Variants in ANKFY1 observed in about 807,000 individuals in gnomAD.
The protein encoded by ANKFY1 is ankyrin repeat and FYVE domain containing 1.
In ANKFY1, 47 loss-of-function variants were observed where a neutral mutation model predicts 128.3. The observed-to-expected ratio is 0.37, with a 90% CI of 0.29 to 0.47. ANKFY1 has a LOEUF of 0.47. Among genes scored for constraint, ANKFY1 ranks in the 20% least tolerant of loss-of-function variants. The probability of loss-of-function intolerance (pLI) is 1.00; values close to 1 mark genes in which losing one functional copy is unlikely to be tolerated. For synonymous variants in ANKFY1, 553 were observed against 601.6 expected (o/e 0.92, Z 1.18); for missense variants, 1,222 against 1,510.6 (o/e 0.81, Z 3.17).
At chr17:4,207,290 G>A (rs932406798) in intron 6 of ANKFY1, among the ~76,000 whole-genome samples, 1 of 152,198 alleles carries the variant, frequency 6.6e-6, no homozygotes, top group African/African-American at 2.4e-5. Flanking sequence ...TCAGAGAGAT[G>A]TGACATGAGA....
chr17:4,183,866 A>C lies in ANKFY1; in HGVS notation c.1744T>G (p.Phe582Val), dbSNP rs748722829. 1 of 1,614,116 alleles carries C rather than the reference A, an allele frequency of 6.2e-7. No individual in the cohort carries two copies. The highest frequency in any genetic ancestry group is 1.1e-5 in the South Asian group (1 of 91,084). Residue 582 changes from phenylalanine (F) to valine (V), a missense_variant, in exon 13 of 25, where the codon TTC becomes GTC. Physicochemically the swap from Phe to Val is conservative, Grantham distance 50 (BLOSUM62 -1). Coordinates refer to ENST00000341657, the MANE Select transcript of ANKFY1 (RefSeq NM_001330063.2). ...ATNNLQIIPDFSLKDSRDQTV... is the reference protein window; with the variant it reads ...ATNNLQIIPDVSLKDSRDQTV... Reference sequence around the variant, plus strand: ...TGGTCTCGGGAATCTTTGAGGCTGAAGTCCGGAATGATCTGCAAGTTGTTG... The same window carrying C: ...TGGTCTCGGGAATCTTTGAGGCTGACGTCCGGAATGATCTGCAAGTTGTTG...
intron 7 of ANKFY1, among the ~76,000 whole-genome samples, chr17:4,198,004 C>T (rs2059858155): frequency 6.6e-6 from 1 of 152,074 alleles, no homozygotes; most frequent in South Asian, 2.1e-4. Flanking sequence ...TGGTGCACGC[C>T]TGTAATCCCA....
At chr17:4,176,690 A>C (rs1371237139) in intron 19 of ANKFY1, among the ~76,000 whole-genome samples, 1 of 152,246 alleles carries the variant, frequency 6.6e-6, no homozygotes, top group Non-Finnish European at 1.5e-5. Context: ...AAAATCCAGC[A>C]CTACTTGCTT....
At chr17:4,247,074 C>T (rs565326038) in intron 1 of ANKFY1, among the ~76,000 whole-genome samples, 1 of 151,106 alleles carries the variant, frequency 6.6e-6, no homozygotes, top group African/African-American at 2.4e-5. Flanking sequence ...TGAGATCGCA[C>T]CACTGACTCC....
At chr17:4,229,423 CAA>C (rs113840684) in intron 3 of ANKFY1, among the ~76,000 whole-genome samples, 2 of 110,520 alleles carry the variant, frequency 1.8e-5, no homozygotes, top group Non-Finnish European at 1.9e-5. Flanking sequence ...GGCTCTGTCT[CAA>C]AAAAAAAAAA....
At chr17:4,216,828 G>T in intron 4 of ANKFY1, 155 bp downstream of exon 4, 3 of 1,026,654 alleles carry the variant, frequency 2.9e-6, no homozygotes, top group Non-Finnish European at 4.4e-6. Context: ...ATAACACAAA[G>T]CAAGGGAGGT....
At chr17:4,239,791 G>A (rs1364100508) in intron 2 of ANKFY1, among the ~76,000 whole-genome samples, 5 of 151,840 alleles carry the variant, frequency 3.3e-5, no homozygotes, top group Non-Finnish European at 5.9e-5. Flanking sequence ...CACCTGCCTC[G>A]GCCTCCCAAA....
At chr17:4,232,526 C>T (rs1336162444) in intron 3 of ANKFY1, among the ~76,000 whole-genome samples, 2 of 152,222 alleles carry the variant, frequency 1.3e-5, no homozygotes, top group Non-Finnish European at 2.9e-5. Context: ...GGTGCTTGAT[C>T]TGTGAAAGCC....
chr17:4,217,199 G>T, intron 3 of ANKFY1, 81 bp from the exon 4 acceptor site: 1 of 1,508,512 alleles, frequency 6.6e-7, no homozygotes, highest in Non-Finnish European at 9.1e-7. Flanking sequence ...AAAATTTGAG[G>T]CTAATAAAGT....
At chr17:4,201,479 A>AT (rs59058325) in intron 7 of ANKFY1, among the ~76,000 whole-genome samples, 87 of 135,706 alleles carry the variant, frequency 6.4e-4, no homozygotes, top group African/African-American at 2.3e-3. Context: ...CCTGTGTCTG[A>AT]TTTTTTTTTT....
At chr17:4,263,894 T>A (rs765706674) in intron 1 of ANKFY1, 38 bp downstream of exon 1, 1 of 1,613,444 alleles carries the variant, frequency 6.2e-7, no homozygotes, top group Non-Finnish European at 8.5e-7. Flanking sequence ...CCCCCACAGC[T>A]CCGTGTCTTC....
chr17:4,214,742 T>G (rs1157724697), intron 4 of ANKFY1, among the ~76,000 whole-genome samples: 2 of 152,028 alleles, frequency 1.3e-5, no homozygotes, highest in Non-Finnish European at 2.9e-5. Context: ...TGGTGACTTT[T>G]AAAGTATAAC....
intron 19 of ANKFY1, among the ~76,000 whole-genome samples, chr17:4,176,771 T>C (rs1367326342): frequency 1.3e-5 from 2 of 152,274 alleles, no homozygotes; most frequent in African/African-American, 2.4e-5. Flanking sequence ...ACATTTCTCA[T>C]ACCCCTCTGT....
chr17:4,228,927 C>T (rs981058378), intron 3 of ANKFY1, among the ~76,000 whole-genome samples: 2 of 152,106 alleles, frequency 1.3e-5, no homozygotes, highest in African/African-American at 4.8e-5. Flanking sequence ...GTTCAAATCC[C>T]GGCTCCAATC....
At chr17:4,168,486 C>T (rs1567902672) in intron 24 of ANKFY1, among the ~76,000 whole-genome samples, 1 of 151,586 alleles carries the variant, frequency 6.6e-6, no homozygotes, top group African/African-American at 2.4e-5. Context: ...TCAGCACTAT[C>T]TTTTTTTTTC....
chr17:4,203,839 AAAAAAG>A (rs1247884151), intron 7 of ANKFY1, among the ~76,000 whole-genome samples: 30 of 142,930 alleles, frequency 2.1e-4, no homozygotes, highest in African/African-American at 7.5e-4. Flanking sequence ...AAAAAAAAAA[AAAAAAG>A]AAAGAAAGAA....
At chr17:4,260,210 T>A (rs1968335449) in intron 1 of ANKFY1, among the ~76,000 whole-genome samples, 1 of 152,172 alleles carries the variant, frequency 6.6e-6, no homozygotes, top group Non-Finnish European at 1.5e-5. Context: ...ATCTGATTGA[T>A]GTCTTAAAGG....
Position 4,261,884 on chromosome 17 carries a change from T to C in ANKFY1, c.10+2048A>G, listed in dbSNP as rs539513219. ...GCCTCACTCCTGTGAGCAACAGCTG[T>C]CTGCTGTGTACAACATTCCGTGATT... On this transcript the variant is annotated intron_variant, in intron 1 of 24. Transcript: ENST00000341657. Among the ~76,000 whole-genome samples the C allele has an allele frequency of 2.0e-5, 3 of 152,340 alleles. No homozygotes were observed. In the South Asian group the frequency reaches 6.2e-4, roughly 32 times the overall value.
At chr17:4,232,694 T>G (rs2060533677) in intron 3 of ANKFY1, among the ~76,000 whole-genome samples, 1 of 152,236 alleles carries the variant, frequency 6.6e-6, no homozygotes, top group South Asian at 2.1e-4. Context: ...TGACTCACAG[T>G]GATGCAATCT....
Sources: allele counts gnomAD v4.1 joint callset (sites outside exome capture counted in the v4.1 genomes callset), GRCh38; gene constraint gnomAD v4.1.1; transcripts MANE v1.5; gene names NCBI Gene and HGNC (gene_info 2026-07-23, HGNC 2026-07-21).